C12orf42: variants seen among roughly 807,000 people sequenced by gnomAD.
C12orf42 encodes the protein chromosome 12 open reading frame 42, also known as uncharacterized protein C12orf42.
C12orf42 carries 25 observed loss-of-function variants against 21.6 expected under a neutral mutation model. That is an observed-to-expected ratio of 1.16 (90% CI 0.84 to 1.62). The LOEUF (loss-of-function observed/expected upper bound fraction) is 1.62, where lower values mean the gene tolerates loss of function less well. Ranked by LOEUF, C12orf42 falls within the 40% of genes most tolerant of loss-of-function variation. C12orf42 has a pLI of 0.00. For missense variants in C12orf42, 483 were observed against 459.3 expected (o/e 1.05, Z -0.47); for synonymous variants, 174 against 175.0 (o/e 0.99, Z 0.05).
the C12orf42 span, among the ~76,000 whole-genome samples, chr12:103,209,768 C>G: frequency 6.6e-6 from 1 of 152,194 alleles, no homozygotes; most frequent in Admixed American, 6.5e-5. Flanking sequence ...TTGTGCATGG[C>G]CAGTCAAGCC....
the C12orf42 span, among the ~76,000 whole-genome samples, chr12:103,231,104 T>G: frequency 6.6e-6 from 1 of 152,210 alleles, no homozygotes; most frequent in African/African-American, 2.4e-5. Context: ...AAAAATTGAT[T>G]CTTAATTTTG....
chr12:103,212,563 T>C, the C12orf42 span, among the ~76,000 whole-genome samples: 1 of 152,306 alleles, frequency 6.6e-6, no homozygotes, highest in Admixed American at 6.5e-5. Flanking sequence ...AACTATTTCA[T>C]GGATAGTGTT....
intron 2 of C12orf42, among the ~76,000 whole-genome samples, chr12:103,463,788 T>C (rs898858458): frequency 5.9e-5 from 9 of 152,140 alleles, no homozygotes; most frequent in Non-Finnish European, 8.8e-5. Flanking sequence ...TGTGTTCTCA[T>C]TGTTCACCTT....
At chr12:103,416,399 TAC>T (rs1228064559) in intron 2 of C12orf42, among the ~76,000 whole-genome samples, 11 of 151,988 alleles carry the variant, frequency 7.2e-5, no homozygotes, top group African/African-American at 2.4e-4. Flanking sequence ...TGGAAAAATA[TAC>T]ACATTTTCTT....
the C12orf42 span, among the ~76,000 whole-genome samples, chr12:103,074,075 A>G: frequency 1.6e-3 from 241 of 152,302 alleles, 3 homozygotes; most frequent in African/African-American, 5.6e-3. Context: ...ATGGAGATAA[A>G]TGGGCTTCTC....
chr12:103,243,613 T>C (rs2033861412), intron 10 of C12orf42, among the ~76,000 whole-genome samples: 1 of 152,178 alleles, frequency 6.6e-6, no homozygotes, highest in Admixed American at 6.6e-5. Context: ...TAATGATTGA[T>C]GATGCCTTTC....
Position 103,364,766 on chromosome 12 carries a change from C to G in C12orf42, c.259+4121G>C, listed in dbSNP as rs554266624. Among the ~76,000 whole-genome samples, 6 of 152,038 alleles carry G rather than the reference C, an allele frequency of 3.9e-5. No homozygotes were observed. In the East Asian group the frequency reaches 9.7e-4, roughly 25 times the overall value. On this transcript the variant is annotated intron_variant, in intron 4 of 5. Transcript: ENST00000548883. ...GATACATTCCTAGAAATACACAACC[C>G]TCCTAGCTTAAATCAGGAAGAATTA...
the C12orf42 span, among the ~76,000 whole-genome samples, chr12:103,138,381 A>T: frequency 1.3e-5 from 2 of 152,242 alleles, no homozygotes; most frequent in East Asian, 3.9e-4. Context: ...TGGTTGCTTG[A>T]AAGTGTGTAG....
intron 3 of C12orf42, chr12:103,378,692 G>C (rs1049453023): frequency 6.6e-6 from 1 of 152,168 alleles, no homozygotes; most frequent in African/African-American, 2.4e-5. Context: ...TAGATTATGG[G>C]ATTTGGAATT....
chr12:103,484,841 G>T (rs1255039969), intron 1 of C12orf42, among the ~76,000 whole-genome samples: 2 of 143,270 alleles, frequency 1.4e-5, no homozygotes, highest in Non-Finnish European at 3.0e-5. Flanking sequence ...TGTATAAGGT[G>T]TAAGGAAGGG....
chr12:103,307,784 TTGTG>T (rs1250566682), intron 4 of C12orf42, among the ~76,000 whole-genome samples: 3 of 151,988 alleles, frequency 2.0e-5, no homozygotes, highest in African/African-American at 7.3e-5. Context: ...AGGTGTGTGC[TTGTG>T]TGTGCATGCA....
At chr12:103,497,623 G>A (rs1955598011), upstream of C12orf42, among the ~76,000 whole-genome samples, 1 of 152,152 alleles carries the variant, frequency 6.6e-6, no homozygotes, top group South Asian at 2.1e-4. Context: ...ACAGAAATGA[G>A]AACTCTTCAT....
At chr12:103,345,716 C>T (rs1401865668) in intron 4 of C12orf42, among the ~76,000 whole-genome samples, 1 of 151,950 alleles carries the variant, frequency 6.6e-6, no homozygotes. Flanking sequence ...CCTAAATGTC[C>T]CACAAGGGAT....
At chr12:103,288,120 G>A (rs985231321) in intron 4 of C12orf42, among the ~76,000 whole-genome samples, 1 of 152,104 alleles carries the variant, frequency 6.6e-6, no homozygotes, top group Admixed American at 6.5e-5. Flanking sequence ...TCAAACTCGG[G>A]GAACTGATGA....
chr12:103,100,626 T>C, the C12orf42 span, among the ~76,000 whole-genome samples: 1 of 152,210 alleles, frequency 6.6e-6, no homozygotes, highest in Non-Finnish European at 1.5e-5. Flanking sequence ...AAGAAACAAC[T>C]GGTATCACTC....
At chr12:103,483,561 A>G (rs1159708579) in intron 1 of C12orf42, among the ~76,000 whole-genome samples, 1 of 152,114 alleles carries the variant, frequency 6.6e-6, no homozygotes, top group African/African-American at 2.4e-5. Context: ...AATTATGGTT[A>G]CGATTTTTCT....
Position 103,343,667 on chromosome 12 carries a change from G to A in C12orf42, c.259+25220C>T, listed in dbSNP as rs1419139104. On this transcript the variant is annotated intron_variant, in intron 4 of 5. Coordinates refer to ENST00000548883, the MANE Select transcript of C12orf42 (RefSeq NM_198521.5). Reference sequence around the variant, plus strand: ...ATAGTGGCTGTAATCCTAGATACTCGGGAGGCTGAGGCAGAAGAATCGCTT... The same window carrying A: ...ATAGTGGCTGTAATCCTAGATACTCAGGAGGCTGAGGCAGAAGAATCGCTT... Among the ~76,000 whole-genome samples the A allele has an allele frequency of 3.3e-5, 5 of 151,516 alleles. No homozygotes were observed. The East Asian group carries it at 7.8e-4, about 23-fold the overall frequency.
chr12:103,146,367 C>A, the C12orf42 span, among the ~76,000 whole-genome samples: 1 of 150,136 alleles, frequency 6.7e-6, no homozygotes, highest in African/African-American at 2.4e-5. Context: ...GTAATCCCAG[C>A]TACTGGGGAG....
chr12:103,074,872 G>C, the C12orf42 span, among the ~76,000 whole-genome samples: 1 of 152,106 alleles, frequency 6.6e-6, no homozygotes, highest in Non-Finnish European at 1.5e-5. Context: ...GATTGCTTGA[G>C]CCCAGGAGTT....
Sources: gnomAD v4.1 joint callset for allele counts (sites outside exome capture counted in the v4.1 genomes callset) on GRCh38, gnomAD v4.1.1 for gene constraint, MANE v1.5 for transcripts, NCBI Gene and HGNC (gene_info 2026-07-23, HGNC 2026-07-21) for gene names.